Variants in DSC3 observed in about 807,000 individuals in gnomAD.
The protein encoded by DSC3 is desmocollin-3.
Under a neutral mutation model 89.5 loss-of-function variants are expected in DSC3, and 97 were observed. The observed-to-expected ratio is 1.08, with a 90% CI of 0.92 to 1.28. The LOEUF (loss-of-function observed/expected upper bound fraction) is 1.28. Ranked by LOEUF, DSC3 falls within the 50% of genes most tolerant of loss-of-function variation. The pLI is 0.00. For synonymous variants in DSC3, 436 were observed against 384.1 expected, an observed-to-expected ratio of 1.14 and a Z score of -1.58; for missense variants, 1,199 against 1,085.3, an observed-to-expected ratio of 1.10 and a Z score of -1.47.
At position 31,008,446 on chromosome 18, in the gene DSC3, G is replaced by A. The variant is rs1984943068; in HGVS notation, c.1343C>T (p.Pro448Leu). 6.2e-7 allele frequency: 1 copy of A among 1,614,054 alleles called. No individual in the cohort carries two copies. Among genetic ancestry groups the A allele is most frequent in the South Asian group, 1.1e-5 (1 of 91,066 alleles). Residue 448 changes from proline (P) to leucine (L), a missense_variant, in exon 10 of 16, where the codon CCC (proline) becomes CTC (leucine). By Grantham distance (98) the Pro-to-Leu change is moderately conservative (BLOSUM62 -3). Coordinates refer to ENST00000360428, the MANE Select transcript of DSC3 (RefSeq NM_001941.5). ...NNEAPFARDI[P>L]RVTALNRALV... is the part of the protein sequence containing the mutation. The stretch of plus-strand genomic sequence containing the variant: ...GGCTCTGTTCAAGGCTGTCACTCTG[G>A]GAATATCTCTAGCAAATGGCGCTTC...
intron 2 of DSC3, 125 bp downstream of exon 2, chr18:31,032,067 C>G (rs1001354996): frequency 2.8e-6 from 2 of 710,084 alleles, no homozygotes; most frequent in African/African-American, 1.8e-5. Context: ...CTGGTTTACT[C>G]CCTGGAGGAA....
At chr18:31,018,623 A>T in intron 8 of DSC3, 43 bp downstream of exon 8, 1 of 1,589,716 alleles carries the variant, frequency 6.3e-7, no homozygotes, top group South Asian at 1.1e-5. Flanking sequence ...ATAAAAAATG[A>T]TAGCAGATAA....
intron 12 of DSC3, among the ~76,000 whole-genome samples, chr18:31,005,409 A>G (rs1332393710): frequency 6.6e-6 from 1 of 152,146 alleles, no homozygotes; most frequent in Non-Finnish European, 1.5e-5. Flanking sequence ...TAAAAGATGT[A>G]AATCTGGGAA....
Position 31,008,156 on chromosome 18 carries a change from T to C in DSC3, c.1523A>G (p.Tyr508Cys), listed in dbSNP as rs2144692287. 6.2e-7 allele frequency: 1 copy of C among 1,609,102 alleles called. No individual in the cohort carries two copies. The highest frequency in any genetic ancestry group is 1.1e-5 in the South Asian group (1 of 90,662). ...PENRNGNGLR[Y>C]KKLHDPKGWI... ...ACCTTTAGGATCATGCAATTTTTTGTACCTGTTAATAAAAAAAAAATAGTC... is the reference window on the plus strand; with the variant it reads ...ACCTTTAGGATCATGCAATTTTTTGCACCTGTTAATAAAAAAAAAATAGTC... The change falls in exon 11 of 16, where the codon TAC (tyrosine) becomes TGC (cysteine). Residue 508 changes from tyrosine (Y) to cysteine (C), a missense_variant and splice_region_variant. Physicochemically the swap from Tyr to Cys is radical, Grantham distance 194. Transcript: ENST00000360428.
At chr18:31,031,778 C>T (rs115465507) in intron 2 of DSC3, among the ~76,000 whole-genome samples, 2,057 of 152,244 alleles carry the variant, frequency 0.014, 57 homozygotes, top group African/African-American at 0.047. Context: ...GGATTTCTGG[C>T]CTCTAGTAAC....
chr18:31,018,365 A>G, intron 8 of DSC3, 109 bp from the exon 9 acceptor site: 1 of 855,226 alleles, frequency 1.2e-6, no homozygotes, highest in Admixed American at 2.8e-5. Context: ...TATATAGATT[A>G]TTTTAAAACT....
intron 9 of DSC3, among the ~76,000 whole-genome samples, chr18:31,016,185 T>C (rs1985230202): frequency 6.6e-6 from 1 of 152,150 alleles, no homozygotes; most frequent in Non-Finnish European, 1.5e-5. Context: ...TAGCATATAA[T>C]TAAGGAGTAG....
At position 30,998,781 on chromosome 18, in the gene DSC3, T is replaced by TAAC. The variant is rs200177504; in HGVS notation, c.2236-1736_2236-1734dup. Among the ~76,000 whole-genome samples the TAAC allele has an allele frequency of 6.4e-3, 970 of 152,172 alleles. 29 individuals are homozygous for TAAC. The highest frequency in any genetic ancestry group is 0.054 in the Admixed American group (826 of 15,278). On this transcript the variant is annotated intron_variant, in intron 14 of 15. Transcript: ENST00000360428. ...AAGGAGTGGGAGCAGCCAATGATGT[T>TAAC]AACAACAACAACAGAAAAATCACAG...
chr18:31,036,502 C>T (rs1985973022), intron 1 of DSC3, among the ~76,000 whole-genome samples: 1 of 151,808 alleles, frequency 6.6e-6, no homozygotes, highest in Non-Finnish European at 1.5e-5. Flanking sequence ...TTTGACACAT[C>T]TTTATTAAAA....
At chr18:30,995,046 A>G (rs1272001499) in intron 15 of DSC3, among the ~76,000 whole-genome samples, 1 of 152,220 alleles carries the variant, frequency 6.6e-6, no homozygotes, top group African/African-American at 2.4e-5. Flanking sequence ...ATTAAAAAGA[A>G]TGAACATGAC....
chr18:31,016,978 T>A (rs1250600429), intron 9 of DSC3, among the ~76,000 whole-genome samples: 2 of 152,206 alleles, frequency 1.3e-5, no homozygotes, highest in Non-Finnish European at 2.9e-5. Flanking sequence ...TTGTCTTGCA[T>A]TCTACTTTCT....
chr18:31,007,687 G>C (rs906507946), intron 11 of DSC3, among the ~76,000 whole-genome samples: 2 of 152,126 alleles, frequency 1.3e-5, no homozygotes, highest in African/African-American at 4.8e-5. Flanking sequence ...CTATATAAAA[G>C]CTCAATTTAA....
chr18:31,034,515 A>T (rs1598553177), intron 1 of DSC3, among the ~76,000 whole-genome samples: 2 of 152,232 alleles, frequency 1.3e-5, no homozygotes, highest in African/African-American at 4.8e-5. Context: ...TGATCCAGCA[A>T]GTCCACTCTT....
At position 31,008,540 on chromosome 18, in the gene DSC3, C is replaced by A. The variant is rs1984948856; in HGVS notation, c.1264-15G>T. On this transcript the variant is annotated splice_polypyrimidine_tract_variant and intron_variant, in intron 9 of 15. Coordinates refer to ENST00000360428, the MANE Select transcript of DSC3 (RefSeq NM_001941.5). ...TAATTCAGTGGCTTTAAAATAAAGT[C>A]CATGTATATCAGTGTCAGTGTAAAA... 2 of 1,613,350 alleles carry A rather than the reference C, an allele frequency of 1.2e-6. No homozygotes were observed. Among genetic ancestry groups the A allele is most frequent in the Admixed American group, 1.7e-5 (1 of 59,992 alleles).
chr18:31,011,557 A>C (rs969062661), intron 9 of DSC3, among the ~76,000 whole-genome samples: 1 of 152,240 alleles, frequency 6.6e-6, no homozygotes, highest in African/African-American at 2.4e-5. Context: ...AGTTAACAAC[A>C]TAGTGATGTC....
intron 7 of DSC3, among the ~76,000 whole-genome samples, chr18:31,019,669 C>T (rs984445267): frequency 3.3e-5 from 5 of 152,048 alleles, no homozygotes; most frequent in African/African-American, 1.2e-4. Flanking sequence ...GGTATGTGTC[C>T]GTACTCCCAA....
chr18:30,994,459 A>G (rs1478239276), intron 15 of DSC3, 87 bp from the exon 16 acceptor site: 1 of 1,597,730 alleles, frequency 6.3e-7, no homozygotes, highest in Non-Finnish European at 8.5e-7. Flanking sequence ...TTTACCTTTT[A>G]TGTTTAATTT....
intron 1 of DSC3, among the ~76,000 whole-genome samples, chr18:31,033,202 G>A (rs949392336): frequency 6.6e-6 from 1 of 151,954 alleles, no homozygotes; most frequent in Admixed American, 6.5e-5. Flanking sequence ...CATCTTCATG[G>A]CTATTCCCCA....
At chr18:31,036,380 A>AAACAAGC (rs1985969062) in intron 1 of DSC3, among the ~76,000 whole-genome samples, 1 of 151,808 alleles carries the variant, frequency 6.6e-6, no homozygotes, top group Non-Finnish European at 1.5e-5. Flanking sequence ...TTAATCACTT[A>AAACAAGC]TCTATTGTTT....
Sources: allele counts gnomAD v4.1 joint callset (sites outside exome capture counted in the v4.1 genomes callset), GRCh38; gene constraint gnomAD v4.1.1; transcripts MANE v1.5; gene names NCBI Gene and HGNC (gene_info 2026-07-23, HGNC 2026-07-21).